VPS54: variants seen among roughly 807,000 people sequenced by gnomAD.
The protein encoded by VPS54 is vacuolar protein sorting-associated protein 54.
VPS54 carries 45 observed loss-of-function variants against 121.5 expected under a neutral mutation model. The ratio of observed to expected loss-of-function variants is 0.37; its 90% CI spans 0.29 to 0.47. The LOEUF (loss-of-function observed/expected upper bound fraction) is 0.47. Ranked by LOEUF, VPS54 falls within the 20% of genes least tolerant of loss-of-function variation. VPS54 has a pLI of 0.99. For synonymous variants in VPS54, 371 were observed against 385.8 expected, an observed-to-expected ratio of 0.96 and a Z score of 0.45; for missense variants, 1,090 against 1,131.4, an observed-to-expected ratio of 0.96 and a Z score of 0.52.
In VPS54 at chr2:63,912,389, G is replaced by C; in HGVS notation, c.2581C>G (p.Leu861Val). The change falls in exon 20 of 23, where the codon CTT (leucine) becomes GTT (valine). Residue 861 changes from leucine (L) to valine (V), a missense_variant. Leu to Val is a conservative substitution (Grantham distance 32, BLOSUM62 1). Around this residue, in one of 2 missense-constraint regions of VPS54, gnomAD observed 289 missense variants for 374.4 expected, o/e 0.77. Coordinates refer to ENST00000272322, the MANE Select transcript of VPS54 (RefSeq NM_016516.3). ...AATAAGCTATCCATTATCGCTACAAGCTTAGCTGATATTTCAGCTATGTGA... is the reference window on the plus strand; with the variant it reads ...AATAAGCTATCCATTATCGCTACAACCTTAGCTGATATTTCAGCTATGTGA... Reference protein sequence around the residue: ...HDHIAEISAKLVAIMDSLFDK... With the variant: ...HDHIAEISAKVVAIMDSLFDK... The C allele has an allele frequency of 1.2e-6, 2 of 1,612,040 alleles. No homozygotes were observed. The highest frequency in any genetic ancestry group is 1.7e-6 in the Non-Finnish European group (2 of 1,178,812).
At chr2:63,974,859 C>T (rs1676451159) in intron 3 of VPS54, 10 of 1,053,024 alleles carry the variant, frequency 9.5e-6, no homozygotes, top group South Asian at 9.2e-5. Flanking sequence ...TCCACATAGA[C>T]GATCATTTCA....
chr2:63,985,984 T>G (rs574093159), intron 1 of VPS54, among the ~76,000 whole-genome samples: 9 of 152,220 alleles, frequency 5.9e-5, no homozygotes, highest in Non-Finnish European at 4.4e-5. Context: ...ACAGAAACAC[T>G]GTACTAAGTG....
intron 3 of VPS54, among the ~76,000 whole-genome samples, chr2:63,979,333 A>G (rs1267188699): frequency 6.7e-6 from 1 of 148,460 alleles, no homozygotes; most frequent in Non-Finnish European, 1.5e-5. Context: ...TCAACCACCC[A>G]GTTTCAAGCT....
intron 12 of VPS54, 53 bp from the exon 13 acceptor site, chr2:63,921,388 T>C (rs1673639635): frequency 6.4e-7 from 1 of 1,574,128 alleles, no homozygotes; most frequent in African/African-American, 1.4e-5. Context: ...CATAGTATTC[T>C]CCACAGGTGA....
intron 11 of VPS54, among the ~76,000 whole-genome samples, chr2:63,941,634 C>A (rs995806492): frequency 3.9e-5 from 6 of 152,118 alleles, no homozygotes; most frequent in Non-Finnish European, 8.8e-5. Flanking sequence ...TTTTGTTATA[C>A]TAAGTGGTTT....
At chr2:63,901,767 G>A (rs1402393034) in intron 20 of VPS54, among the ~76,000 whole-genome samples, 1 of 152,134 alleles carries the variant, frequency 6.6e-6, no homozygotes, top group Non-Finnish European at 1.5e-5. Flanking sequence ...TGTAATTCCA[G>A]CACTTTGGGA....
chr2:63,997,279 C>A (rs1470822451), intron 1 of VPS54, among the ~76,000 whole-genome samples: 2 of 152,110 alleles, frequency 1.3e-5, no homozygotes, highest in Non-Finnish European at 2.9e-5. Flanking sequence ...AGGATTGGTA[C>A]TAGACCCTCA....
At chr2:63,957,833 C>T (rs1158506241) in intron 7 of VPS54, among the ~76,000 whole-genome samples, 1 of 152,140 alleles carries the variant, frequency 6.6e-6, no homozygotes, top group African/African-American at 2.4e-5. Flanking sequence ...TTATGGTGCA[C>T]ATTAGAATCT....
Position 63,930,859 on chromosome 2 carries a change from A to G in VPS54, c.1739+2814T>C, listed in dbSNP as rs140307703. Reference sequence around the variant, plus strand: ...ATGTGCAAAAATCACAAGCATTTCTATACACCAATAACAGACAAACAGAGA... The same window carrying G: ...ATGTGCAAAAATCACAAGCATTTCTGTACACCAATAACAGACAAACAGAGA... On this transcript the variant is annotated intron_variant, in intron 12 of 22. Coordinates refer to ENST00000272322, the MANE Select transcript of VPS54 (RefSeq NM_016516.3). Among the ~76,000 whole-genome samples the G allele has an allele frequency of 9.3e-4, 141 of 152,264 alleles. 1 individual carries two copies. The East Asian group carries it at 0.013, about 14-fold the overall frequency.
intron 2 of VPS54, among the ~76,000 whole-genome samples, chr2:63,982,463 C>A (rs965824662): frequency 2.0e-5 from 3 of 152,184 alleles, no homozygotes; most frequent in African/African-American, 7.2e-5. Context: ...TATTGAACCA[C>A]TGCTTGTAGG....
rs563573201 is a variant in VPS54 at position 63,912,197 on chromosome 2, T to C, written c.2625+148A>G. On this transcript the variant is annotated intron_variant, in intron 20 of 22. Transcript: ENST00000272322. Reference sequence around the variant, plus strand: ...GTCACAGCACATGGTCACATTTTCCTGAAAAAAAATTTAAAATTCTACTAA... The same window carrying C: ...GTCACAGCACATGGTCACATTTTCCCGAAAAAAAATTTAAAATTCTACTAA... The C allele has an allele frequency of 1.1e-5, 9 of 805,242 alleles. No individual in the cohort carries two copies. In the Admixed American group the frequency reaches 1.8e-4, roughly 16 times the overall value. The allele number at this position is 805,242 out of a possible 1,614,324, so 49.9% of individuals were successfully genotyped here.
chr2:63,970,887 T>C (rs1399354182), intron 4 of VPS54, among the ~76,000 whole-genome samples: 2 of 152,098 alleles, frequency 1.3e-5, no homozygotes, highest in Admixed American at 6.5e-5. Flanking sequence ...ACTACCATGC[T>C]ATTGTCCAGC....
At chr2:63,955,254 TTGAGTA>T (rs932502590) in intron 7 of VPS54, among the ~76,000 whole-genome samples, 20 of 152,104 alleles carry the variant, frequency 1.3e-4, no homozygotes, top group African/African-American at 2.2e-4. Context: ...TTGTGTATGT[TTGAGTA>T]TAAGTTTAAA....
rs977790846 is a variant in VPS54 at position 63,981,937 on chromosome 2, A to G, written c.137-50T>C. 6 of 1,558,408 alleles carry G rather than the reference A, an allele frequency of 3.9e-6. No individual in the cohort carries two copies. The African/African-American group carries it at 4.1e-5, about 11-fold the overall frequency. On this transcript the variant is annotated intron_variant, in intron 2 of 22. Transcript: ENST00000272322. ...CTGTAAATGCTGTAAAATTGGTTCT[A>G]TGTTTGAAAGTACACACTAGAAAAC...
intron 20 of VPS54, among the ~76,000 whole-genome samples, chr2:63,911,171 A>G (rs1433408869): frequency 6.6e-6 from 1 of 152,240 alleles, no homozygotes; most frequent in Non-Finnish European, 1.5e-5. Flanking sequence ...CTGTATATCA[A>G]AAAGGAAACT....
intron 8 of VPS54, among the ~76,000 whole-genome samples, chr2:63,948,129 C>T (rs1369108441): frequency 6.6e-6 from 1 of 152,122 alleles, no homozygotes; most frequent in Non-Finnish European, 1.5e-5. Flanking sequence ...CTGCACCTCA[C>T]CCATGCTTTG....
chr2:63,996,403 T>A (rs1223433497), intron 1 of VPS54, among the ~76,000 whole-genome samples: 2 of 152,110 alleles, frequency 1.3e-5, no homozygotes. Flanking sequence ...AGGATGTATG[T>A]CACCTCAGGA....
At chr2:64,018,272 G>C (rs1678803246) in intron 1 of VPS54, among the ~76,000 whole-genome samples, 1 of 152,108 alleles carries the variant, frequency 6.6e-6, no homozygotes, top group South Asian at 2.1e-4. Context: ...TGAAACGCCT[G>C]TCAGTCAAAA....
At chr2:63,995,668 A>C (rs970372366) in intron 1 of VPS54, among the ~76,000 whole-genome samples, 15 of 152,362 alleles carry the variant, frequency 9.8e-5, no homozygotes, top group African/African-American at 3.6e-4. Flanking sequence ...TTAATGATTT[A>C]AGACAGTCTG....
Sources: gnomAD v4.1 joint callset for allele counts (sites outside exome capture counted in the v4.1 genomes callset) on GRCh38, gnomAD v4.1.1 for gene constraint, gnomAD v4.1.1 regional missense constraint, MANE v1.5 for transcripts, NCBI Gene and HGNC (gene_info 2026-07-23, HGNC 2026-07-21) for gene names.